The following THSD7B variants were observed in gnomAD, a reference collection of about 807,000 sequenced individuals.
THSD7B encodes the protein thrombospondin type-1 domain-containing protein 7B.
THSD7B carries 138 observed loss-of-function variants against 213.6 expected under a neutral mutation model. The observed-to-expected ratio is 0.65, with a 90% CI of 0.56 to 0.74. The LOEUF is 0.74. THSD7B is among the 30% of genes least tolerant of loss of function. THSD7B has a pLI of 0.00. For missense variants in THSD7B, 1,931 were observed against 1,991.5 expected (o/e 0.97, Z 0.58); for synonymous variants, 742 against 687.0 (o/e 1.08, Z -1.25).
At chr2:137,368,480 T>C (rs1370698575) in intron 12 of THSD7B, among the ~76,000 whole-genome samples, 4 of 152,134 alleles carry the variant, frequency 2.6e-5, no homozygotes, top group Non-Finnish European at 5.9e-5. Context: ...AATTCTGGCT[T>C]TCTCAGCTAG....
At chr2:137,466,965 C>T (rs2105087452) in intron 15 of THSD7B, among the ~76,000 whole-genome samples, 1 of 152,132 alleles carries the variant, frequency 6.6e-6, no homozygotes, top group South Asian at 2.1e-4. Flanking sequence ...CAGCAGTGAC[C>T]AAAAGAATAA....
Position 137,403,731 on chromosome 2 carries a change from T to C in THSD7B, c.2501-1882T>C, listed in dbSNP as rs150453708. 1.3e-3 allele frequency among the ~76,000 whole-genome samples: 194 copies of C among 152,318 alleles called. 1 individual carries two copies. The highest frequency in any genetic ancestry group is 4.3e-3 in the African/African-American group (180 of 41,578). On this transcript the variant is annotated intron_variant, in intron 12 of 27. Transcript: ENST00000409968. ...ACCATGGAATCTGTGTATTCTCATA[T>C]ACATCCATGGTTAGGAATTAGAAGA...
chr2:137,071,879 T>G (rs1464308636), intron 3 of THSD7B, among the ~76,000 whole-genome samples: 3 of 152,296 alleles, frequency 2.0e-5, no homozygotes, highest in South Asian at 2.1e-4. Context: ...TTTCCCCATT[T>G]CTTGTTTTTG....
intron 5 of THSD7B, among the ~76,000 whole-genome samples, chr2:137,143,861 T>C (rs138296034): frequency 3.0e-4 from 45 of 152,248 alleles, no homozygotes; most frequent in African/African-American, 1.0e-3. Context: ...TGGTTTGGGA[T>C]CTTTTTTTAA....
At chr2:137,066,438 C>G (rs1488677155) in intron 3 of THSD7B, among the ~76,000 whole-genome samples, 1 of 152,004 alleles carries the variant, frequency 6.6e-6, no homozygotes, top group African/African-American at 2.4e-5. Context: ...AAATAATCTG[C>G]CCACTTCGGC....
intron 12 of THSD7B, among the ~76,000 whole-genome samples, chr2:137,352,925 T>C (rs760362869): frequency 2.6e-5 from 4 of 152,058 alleles, no homozygotes; most frequent in Non-Finnish European, 4.4e-5. Context: ...AATGCATTTC[T>C]AACAGACAGA....
At chr2:137,221,785 A>G (rs1681376707) in intron 7 of THSD7B, among the ~76,000 whole-genome samples, 1 of 152,186 alleles carries the variant, frequency 6.6e-6, no homozygotes, top group Non-Finnish European at 1.5e-5. Context: ...GAGATAAATG[A>G]TTATTCTTTA....
At chr2:137,036,208 A>C (rs1328609438) in intron 2 of THSD7B, among the ~76,000 whole-genome samples, 3 of 152,190 alleles carry the variant, frequency 2.0e-5, no homozygotes, top group African/African-American at 7.2e-5. Flanking sequence ...ATTCCATAGA[A>C]CTACCTTACA....
At chr2:137,656,445 T>C (rs1683237704) in intron 22 of THSD7B, among the ~76,000 whole-genome samples, 7 of 152,186 alleles carry the variant, frequency 4.6e-5, no homozygotes, top group Admixed American at 3.9e-4. Flanking sequence ...ACATCCATTT[T>C]ATGATGTTAT....
At chr2:137,582,844 G>C (rs900789476) in intron 17 of THSD7B, among the ~76,000 whole-genome samples, 5 of 152,070 alleles carry the variant, frequency 3.3e-5, no homozygotes, top group African/African-American at 1.2e-4. Flanking sequence ...TAATCCTTTG[G>C]GTGTATACCC....
At position 137,521,940 on chromosome 2, in the gene THSD7B, C is replaced by G. The variant is rs1680192430; in HGVS notation, c.3139-41281C>G. On this transcript the variant is annotated intron_variant, in intron 15 of 27. Transcript: ENST00000409968. Reference sequence around the variant, plus strand: ...CCATGTTCTGCATGATTTTTTAGCACAAGATACCCAGTGTTCGAATCCCTC... The same window carrying G: ...CCATGTTCTGCATGATTTTTTAGCAGAAGATACCCAGTGTTCGAATCCCTC... Among the ~76,000 whole-genome samples the G allele has an allele frequency of 2.0e-5, 3 of 152,246 alleles. No individual in the cohort carries two copies. In the East Asian group the frequency reaches 5.8e-4, roughly 29 times the overall value.
At chr2:137,150,895 A>G (rs1238697013) in intron 5 of THSD7B, among the ~76,000 whole-genome samples, 1 of 152,168 alleles carries the variant, frequency 6.6e-6, no homozygotes, top group African/African-American at 2.4e-5. Context: ...AGTGGTAAGT[A>G]TTTGTATATC....
Position 137,056,701 on chromosome 2 carries a change from C to G in THSD7B, c.421C>G (p.Arg141Gly), listed in dbSNP as rs201418197. 1 of 1,613,744 alleles carries G rather than the reference C, an allele frequency of 6.2e-7. No individual in the cohort carries two copies. The highest frequency in any genetic ancestry group is 1.1e-5 in the South Asian group (1 of 91,082). ...GACGGCTCAGCATGGACTGCAGCACCGGATGGTGCGCTGCATTCAGAAGCT... is the reference window on the plus strand; with the variant it reads ...GACGGCTCAGCATGGACTGCAGCACGGGATGGTGCGCTGCATTCAGAAGCT... ...CVTAQHGLQH[R>G]MVRCIQKLNR... Residue 141 changes from arginine (R) to glycine (G), a missense_variant, in exon 3 of 28, where the codon CGG (arginine) becomes GGG (glycine). Coordinates refer to ENST00000409968, the MANE Select transcript of THSD7B (RefSeq NM_001316349.2).
At chr2:137,657,767 T>C (rs1413312947) in intron 24 of THSD7B, among the ~76,000 whole-genome samples, 1 of 152,208 alleles carries the variant, frequency 6.6e-6, no homozygotes, top group Admixed American at 6.5e-5. Context: ...CAGGCTGAAG[T>C]GCAGTGACAC....
intron 12 of THSD7B, among the ~76,000 whole-genome samples, chr2:137,393,506 C>G (rs1686095528): frequency 6.7e-6 from 1 of 148,974 alleles, no homozygotes; most frequent in Admixed American, 6.7e-5. Flanking sequence ...TTTTTTATGG[C>G]TGCATAGTAT....
At chr2:137,017,011 T>C (rs1051989986) in intron 2 of THSD7B, among the ~76,000 whole-genome samples, 9 of 152,152 alleles carry the variant, frequency 5.9e-5, no homozygotes, top group Admixed American at 5.2e-4. Context: ...ATGTTGTAAA[T>C]AGGAATTTAC....
chr2:137,089,682 G>A (rs906165860), intron 3 of THSD7B, among the ~76,000 whole-genome samples: 5 of 151,922 alleles, frequency 3.3e-5, no homozygotes, highest in Non-Finnish European at 5.9e-5. Flanking sequence ...AGAGAGTCAG[G>A]GATAAAAACT....
chr2:137,445,861 C>T (rs944796840), intron 14 of THSD7B, among the ~76,000 whole-genome samples: 3 of 151,782 alleles, frequency 2.0e-5, no homozygotes, highest in African/African-American at 7.3e-5. Flanking sequence ...CAAAATATCA[C>T]ATGTACCCCA....
At chr2:136,927,056 G>A (rs1030720872) in intron 2 of THSD7B, among the ~76,000 whole-genome samples, 1 of 151,750 alleles carries the variant, frequency 6.6e-6, no homozygotes, top group African/African-American at 2.4e-5. Flanking sequence ...TGATTTTTTT[G>A]TACACCAAAA....
Sources: allele counts gnomAD v4.1 joint callset (sites outside exome capture counted in the v4.1 genomes callset), GRCh38; gene constraint gnomAD v4.1.1; transcripts MANE v1.5; gene names NCBI Gene and HGNC (gene_info 2026-07-23, HGNC 2026-07-21).